SCN8A: variants seen among roughly 807,000 people sequenced by gnomAD.
SCN8A encodes the protein sodium voltage-gated channel alpha subunit 8, also known as sodium channel protein type 8 subunit alpha.
In SCN8A, 30 loss-of-function variants were observed where a neutral mutation model predicts 184.1. The ratio of observed to expected loss-of-function variants is 0.16; its 90% CI spans 0.12 to 0.22. The LOEUF (loss-of-function observed/expected upper bound fraction) is 0.22, where lower values mean the gene tolerates loss of function less well. Among genes scored for constraint, SCN8A ranks in the 10% least tolerant of loss-of-function variants. SCN8A has a pLI of 1.00. For synonymous variants in SCN8A, 852 were observed against 907.0 expected, an observed-to-expected ratio of 0.94 and a Z score of 1.09; for missense variants, 1,057 against 2,498.9, an observed-to-expected ratio of 0.42 and a Z score of 12.30.
chr12:51,655,119 G>A (rs1168441054), intron 1 of SCN8A, among the ~76,000 whole-genome samples: 3 of 152,082 alleles, frequency 2.0e-5, no homozygotes, highest in Admixed American at 1.3e-4. Context: ...GGCTGGTTTC[G>A]AACTCCTGGC....
At chr12:51,705,036 A>G (rs1417972088) in intron 9 of SCN8A, among the ~76,000 whole-genome samples, 1 of 152,180 alleles carries the variant, frequency 6.6e-6, no homozygotes, top group Non-Finnish European at 1.5e-5. Flanking sequence ...GATTTCAGAG[A>G]CATAATTTGT....
chr12:51,751,572 T>C lies in SCN8A; in HGVS notation c.2349T>C (p.His783=). 1 of 1,613,264 alleles carries C rather than the reference T, an allele frequency of 6.2e-7. No homozygotes were observed. ...ATCCTATGACACCACAATTTGAACA[T>C]GTCTTGGCTGTAGGAAATCTGGTAA... ...EHHPMTPQFE[H]VLAVGNLVFT... The change falls in exon 14 of 27, where the codon CAT becomes CAC. Residue 783 remains histidine, a synonymous_variant. Transcript: ENST00000627620.
intron 1 of SCN8A, among the ~76,000 whole-genome samples, chr12:51,649,982 T>C (rs889643171): frequency 6.6e-6 from 1 of 152,224 alleles, no homozygotes; most frequent in East Asian, 1.9e-4. Flanking sequence ...CCAAGTCACC[T>C]CTTGAATGCT....
At chr12:51,691,021 C>T (rs888260922) in intron 6 of SCN8A, among the ~76,000 whole-genome samples, 1 of 152,176 alleles carries the variant, frequency 6.6e-6, no homozygotes, top group Non-Finnish European at 1.5e-5. Flanking sequence ...CTCCAGACAG[C>T]CTCAGATAGC....
intron 2 of SCN8A, among the ~76,000 whole-genome samples, chr12:51,668,210 G>A (rs1012220897): frequency 1.3e-5 from 2 of 151,334 alleles, no homozygotes; most frequent in African/African-American, 4.9e-5. Flanking sequence ...ATTATATATA[G>A]CTTCCTAAAG....
chr12:51,786,124 G>A (rs527549273), intron 21 of SCN8A, among the ~76,000 whole-genome samples: 125 of 152,214 alleles, frequency 8.2e-4, no homozygotes, highest in African/African-American at 2.6e-3. Flanking sequence ...CTGTGATTTT[G>A]AACAATTATA....
chr12:51,687,831 CTT>C (rs980698371), intron 5 of SCN8A, among the ~76,000 whole-genome samples: 4 of 152,190 alleles, frequency 2.6e-5, no homozygotes, highest in African/African-American at 9.7e-5. Flanking sequence ...CTTTGGGAAA[CTT>C]AGCTGATGAT....
chr12:51,742,960 C>T (rs1942451992), intron 12 of SCN8A, among the ~76,000 whole-genome samples: 2 of 152,022 alleles, frequency 1.3e-5, no homozygotes, highest in South Asian at 4.2e-4. Flanking sequence ...CTCATTAATT[C>T]TTTCTTCTGT....
chr12:51,635,578 A>G (rs1940299053), intron 1 of SCN8A, among the ~76,000 whole-genome samples: 1 of 152,346 alleles, frequency 6.6e-6, no homozygotes, highest in South Asian at 2.1e-4. Flanking sequence ...ACTCATAGAT[A>G]CAAGAATGGT....
At chr12:51,665,736 A>T (rs1941020714) in intron 2 of SCN8A, among the ~76,000 whole-genome samples, 1 of 152,138 alleles carries the variant, frequency 6.6e-6, no homozygotes, top group African/African-American at 2.4e-5. Flanking sequence ...AGCATAATAC[A>T]TGCTTTATGT....
At chr12:51,703,905 C>T (rs1565892891) in intron 9 of SCN8A, among the ~76,000 whole-genome samples, 3 of 146,962 alleles carry the variant, frequency 2.0e-5, no homozygotes, top group African/African-American at 5.0e-5. Context: ...GATGCTGTTT[C>T]TTTTTTTTTT....
intron 1 of SCN8A, among the ~76,000 whole-genome samples, chr12:51,626,620 G>C (rs533664594): frequency 6.6e-6 from 1 of 152,118 alleles, no homozygotes; most frequent in South Asian, 2.1e-4. Flanking sequence ...GAAGATTACA[G>C]GGCTTTAATC....
intron 9 of SCN8A, among the ~76,000 whole-genome samples, chr12:51,703,181 A>G (rs575109112): frequency 5.9e-5 from 9 of 151,696 alleles, no homozygotes; most frequent in African/African-American, 2.2e-4. Context: ...TCTACTTCCT[A>G]TTGTTCATCC....
intron 14 of SCN8A, among the ~76,000 whole-genome samples, chr12:51,757,233 G>A (rs997574246): frequency 1.3e-4 from 20 of 152,168 alleles, no homozygotes; most frequent in African/African-American, 4.6e-4. Flanking sequence ...GACTTTCGGT[G>A]TGAAAAGTGG....
At position 51,705,632 on chromosome 12, in the gene SCN8A, T is replaced by C. The variant is rs373377688; in HGVS notation, c.1341+9T>C. On this transcript the variant is annotated intron_variant, in intron 10 of 26. Transcript: ENST00000627620. ...AACAGGAAGAGGCACAGGTTGGTGA[T>C]GAATTCTTTGCAATAGACCTTCCTG... 1.6e-5 allele frequency: 26 copies of C among 1,606,024 alleles called. No homozygotes were observed. In the African/African-American group the frequency reaches 3.2e-4, roughly 20 times the overall value.
intron 11 of SCN8A, among the ~76,000 whole-genome samples, chr12:51,713,815 C>T (rs765150783): frequency 2.6e-5 from 4 of 151,766 alleles, no homozygotes; most frequent in African/African-American, 7.3e-5. Flanking sequence ...AAAAACCTTT[C>T]TAAAATGTGC....
chr12:51,748,020 G>A (rs375625325), intron 13 of SCN8A, among the ~76,000 whole-genome samples: 2 of 152,094 alleles, frequency 1.3e-5, no homozygotes, highest in Non-Finnish European at 2.9e-5. Flanking sequence ...CAGGCATTCC[G>A]CCTAACCTCT....
At chr12:51,757,364 G>A (rs1942692371) in intron 14 of SCN8A, among the ~76,000 whole-genome samples, 1 of 151,336 alleles carries the variant, frequency 6.6e-6, no homozygotes. Context: ...TAATCAAATT[G>A]AACTTGATTA....
chr12:51,757,518 C>T (rs900798823), intron 14 of SCN8A, among the ~76,000 whole-genome samples: 1 of 152,166 alleles, frequency 6.6e-6, no homozygotes, highest in Admixed American at 6.5e-5. Context: ...AGGTGTGTGA[C>T]TTCTCCCCAG....
Sources: allele counts gnomAD v4.1 joint callset (sites outside exome capture counted in the v4.1 genomes callset), GRCh38; gene constraint gnomAD v4.1.1; transcripts MANE v1.5; gene names NCBI Gene and HGNC (gene_info 2026-07-23, HGNC 2026-07-21).